Variants in SEMA6D observed in about 807,000 individuals in gnomAD.
SEMA6D encodes semaphorin-6D.
A neutral mutation model predicts 106.6 loss-of-function variants in SEMA6D; 35 were observed. The observed-to-expected ratio is 0.33, with a 90% CI of 0.25 to 0.44. The LOEUF is 0.44. Among genes scored for constraint, SEMA6D ranks in the 20% least tolerant of loss-of-function variants. The probability of loss-of-function intolerance (pLI) is 1.00; values close to 1 mark genes in which losing one functional copy is unlikely to be tolerated. For synonymous variants in SEMA6D, 499 were observed against 487.7 expected, an observed-to-expected ratio of 1.02 and a Z score of -0.31; for missense variants, 1,185 against 1,345.9, an observed-to-expected ratio of 0.88 and a Z score of 1.87.
At chr15:47,508,956 C>T (rs559036617) in intron 3 of SEMA6D, among the ~76,000 whole-genome samples, 4 of 151,060 alleles carry the variant, frequency 2.6e-5, no homozygotes, top group Non-Finnish European at 5.9e-5. Flanking sequence ...TTTTTTTTTG[C>T]GGGGGGAGAC....
At chr15:47,213,560 T>C (rs1315719029) in intron 1 of SEMA6D, among the ~76,000 whole-genome samples, 1 of 152,252 alleles carries the variant, frequency 6.6e-6, no homozygotes, top group Non-Finnish European at 1.5e-5. Flanking sequence ...ATGACTAGGC[T>C]AAATCAACCC....
intron 4 of SEMA6D, among the ~76,000 whole-genome samples, chr15:47,655,030 C>T (rs1291418022): frequency 1.3e-5 from 2 of 152,178 alleles, no homozygotes; most frequent in African/African-American, 4.8e-5. Flanking sequence ...CTAACTGTCT[C>T]ATGGTGGCAG....
intron 1 of SEMA6D, among the ~76,000 whole-genome samples, chr15:47,236,514 A>G (rs17285093): frequency 0.012 from 1,778 of 152,286 alleles, 34 homozygotes; most frequent in Admixed American, 0.012. Flanking sequence ...TAACAATGGG[A>G]ATGTATATTA....
chr15:47,428,623 A>C (rs943240533), intron 2 of SEMA6D, among the ~76,000 whole-genome samples: 5 of 151,956 alleles, frequency 3.3e-5, no homozygotes, highest in African/African-American at 1.2e-4. Flanking sequence ...AAAATAAAAA[A>C]GATACCTGGC....
intron 2 of SEMA6D, among the ~76,000 whole-genome samples, chr15:47,459,154 C>G (rs749084389): frequency 1.3e-5 from 2 of 152,062 alleles, no homozygotes; most frequent in Non-Finnish European, 2.9e-5. Context: ...CAGACTGAAG[C>G]CAGAGATTCT....
intron 4 of SEMA6D, among the ~76,000 whole-genome samples, chr15:47,662,501 A>C (rs1219306661): frequency 6.6e-6 from 1 of 152,198 alleles, no homozygotes; most frequent in African/African-American, 2.4e-5. Flanking sequence ...TTCTGTTATT[A>C]GTTCACAAAT....
intron 1 of SEMA6D, among the ~76,000 whole-genome samples, chr15:47,719,604 A>G (rs2079303291): frequency 6.6e-6 from 1 of 152,210 alleles, no homozygotes; most frequent in South Asian, 2.1e-4. Flanking sequence ...GAAAGGTCTA[A>G]CATTTTTCTA....
rs1271770703 is a variant in SEMA6D at position 47,246,172 on chromosome 15, C to G, written c.-239+61754C>G. 1.3e-5 allele frequency among the ~76,000 whole-genome samples: 2 copies of G among 152,182 alleles called. 1 individual carries two copies. The highest frequency in any genetic ancestry group is 2.9e-5 in the Non-Finnish European group (2 of 68,030). ...ATAAAAAATGTATAGTGAGTGACTA[C>G]TAGCAGAGGTGTTGGCTGCATTAAG... On this transcript the variant is annotated intron_variant, in intron 1 of 19. Transcript: ENST00000558014.
intron 2 of SEMA6D, among the ~76,000 whole-genome samples, chr15:47,460,056 T>G (rs1256142118): frequency 9.9e-5 from 15 of 152,030 alleles, no homozygotes. Flanking sequence ...AAATGCCTAT[T>G]TTCTAGGTTT....
chr15:47,518,209 G>GA (rs955079114), intron 3 of SEMA6D, among the ~76,000 whole-genome samples: 2 of 152,084 alleles, frequency 1.3e-5, no homozygotes, highest in African/African-American at 4.8e-5. Flanking sequence ...TAATAATGAG[G>GA]AAAAAACAGG....
At chr15:47,232,575 T>C (rs1033550835) in intron 1 of SEMA6D, among the ~76,000 whole-genome samples, 3 of 151,358 alleles carry the variant, frequency 2.0e-5, no homozygotes, top group Admixed American at 6.6e-5. Context: ...ACAGCCAAGC[T>C]AGTGGGTATA....
chr15:47,363,473 T>G (rs2145162768), intron 1 of SEMA6D, among the ~76,000 whole-genome samples: 1 of 152,298 alleles, frequency 6.6e-6, no homozygotes, highest in Non-Finnish European at 1.5e-5. Context: ...TTTAGAGAGT[T>G]AAACCGGGCA....
chr15:47,749,476 A>G (rs1042557082), intron 1 of SEMA6D, among the ~76,000 whole-genome samples: 2 of 152,198 alleles, frequency 1.3e-5, no homozygotes, highest in Non-Finnish European at 2.9e-5. Context: ...TAATATTATT[A>G]TCCTCACTGC....
chr15:47,582,838 C>T (rs12438075), intron 3 of SEMA6D, among the ~76,000 whole-genome samples: 26,108 of 152,162 alleles, frequency 0.17, 2,556 homozygotes, highest in African/African-American at 0.25. Context: ...TACTTGTTCT[C>T]CACTGCCTCA....
chr15:47,215,347 T>G (rs2030479757), intron 1 of SEMA6D, among the ~76,000 whole-genome samples: 3 of 152,004 alleles, frequency 2.0e-5, no homozygotes. Context: ...TGTCCACAGA[T>G]ATATTAAAGG....
rs563973462 is a variant in SEMA6D, at chr15:47,294,543, A to C, written c.-239+110125A>C. ...AGCCTTTAATCTCTTTCTCAAACCTAAGAAATAAAATTTAAAATGTTACAA... is the reference window on the plus strand; with the variant it reads ...AGCCTTTAATCTCTTTCTCAAACCTCAGAAATAAAATTTAAAATGTTACAA... On this transcript the variant is annotated intron_variant, in intron 1 of 19. Transcript: ENST00000558014. 8.2e-4 allele frequency among the ~76,000 whole-genome samples: 125 copies of C among 152,228 alleles called. 1 individual carries two copies. Among genetic ancestry groups the C allele is most frequent in the Middle Eastern group, 3.4e-3 (1 of 294 alleles).
At chr15:47,697,533 A>G (rs1236179363) in intron 4 of SEMA6D, among the ~76,000 whole-genome samples, 1 of 152,164 alleles carries the variant, frequency 6.6e-6, no homozygotes, top group East Asian at 1.9e-4. Context: ...GAATTCCAAG[A>G]TTCATCCTAT....
intron 2 of SEMA6D, among the ~76,000 whole-genome samples, chr15:47,429,281 T>G (rs1484951770): frequency 6.6e-6 from 1 of 152,094 alleles, no homozygotes; most frequent in Non-Finnish European, 1.5e-5. Flanking sequence ...GTTGCTTAAA[T>G]TTTCCGAGTC....
chr15:47,454,597 G>A (rs1188600662), intron 2 of SEMA6D, among the ~76,000 whole-genome samples: 2 of 72,036 alleles, frequency 2.8e-5, no homozygotes. Flanking sequence ...CCTTGCACAT[G>A]TGCACACACA....
Sources: gnomAD v4.1 joint callset for allele counts (sites outside exome capture counted in the v4.1 genomes callset) on GRCh38, gnomAD v4.1.1 for gene constraint, MANE v1.5 for transcripts, NCBI Gene and HGNC (gene_info 2026-07-23, HGNC 2026-07-21) for gene names.